Variants in KPNA6 observed in about 807,000 individuals in gnomAD.
The protein encoded by KPNA6 is karyopherin subunit alpha 6, also known as importin subunit alpha-7.
KPNA6 carries 9 observed loss-of-function variants against 72.0 expected under a neutral mutation model. The observed-to-expected ratio is 0.13, with a 90% CI of 0.08 to 0.22. KPNA6 has a LOEUF of 0.22. Among genes scored for constraint, KPNA6 ranks in the 10% least tolerant of loss-of-function variants. The pLI, the probability that KPNA6 is intolerant of heterozygous loss-of-function variation, is 1.00. For synonymous variants in KPNA6, 219 were observed against 242.1 expected, an observed-to-expected ratio of 0.90 and a Z score of 0.89; for missense variants, 374 against 655.7, an observed-to-expected ratio of 0.57 and a Z score of 4.69.
intron 1 of KPNA6, among the ~76,000 whole-genome samples, chr1:32,141,192 G>T (rs185213246): frequency 4.6e-5 from 7 of 152,002 alleles, no homozygotes; most frequent in African/African-American, 1.7e-4. Context: ...ATCTGGTATG[G>T]TGGTGGAGGG....
chr1:32,162,507 A>C lies in KPNA6; in HGVS notation c.894A>C (p.Arg298Ser), dbSNP rs1353593234. The C allele has an allele frequency of 6.2e-7, 1 of 1,613,814 alleles. No homozygotes were observed. Among genetic ancestry groups the C allele is most frequent in the African/African-American group, 1.3e-5 (1 of 74,984 alleles). ...TCATAGACTCCGGAGTCTGCCGGAG[A>C]TTGGTAGAGCTGCTGATGTGAGTGG... ...QAVIDSGVCR[R>S]LVELLMHNDY... is the part of the protein sequence containing the mutation. Residue 298 changes from arginine to serine, a missense_variant, in exon 9 of 14, where the codon AGA becomes AGC. Transcript: ENST00000373625.
At chr1:32,170,457 G>A (rs981704436) in intron 13 of KPNA6, among the ~76,000 whole-genome samples, 1 of 152,144 alleles carries the variant, frequency 6.6e-6, no homozygotes, top group African/African-American at 2.4e-5. Flanking sequence ...ATGTGCCCAG[G>A]TCATGCTTCT....
At chr1:32,155,019 G>A (rs1642110920) in intron 2 of KPNA6, among the ~76,000 whole-genome samples, 1 of 151,130 alleles carries the variant, frequency 6.6e-6, no homozygotes. Context: ...GCTGAAGCAG[G>A]AGAATTGCTT....
chr1:32,128,717 G>A (rs1275388208), intron 1 of KPNA6, among the ~76,000 whole-genome samples: 1 of 151,956 alleles, frequency 6.6e-6, no homozygotes, highest in East Asian at 1.9e-4. Context: ...TGACAGGCTT[G>A]CACATAACAC....
chr1:32,125,091 C>T (rs1557460722), intron 1 of KPNA6, among the ~76,000 whole-genome samples: 1 of 152,148 alleles, frequency 6.6e-6, no homozygotes, highest in South Asian at 2.1e-4. Context: ...GCAATCCACC[C>T]GCCTCGGCCT....
chr1:32,108,936 T>G (rs1641196043), intron 1 of KPNA6, among the ~76,000 whole-genome samples: 1 of 152,196 alleles, frequency 6.6e-6, no homozygotes, highest in African/African-American at 2.4e-5. Context: ...CCAACAGTGG[T>G]AATTCCTCTA....
At chr1:32,148,837 A>G (rs1194937401) in intron 1 of KPNA6, among the ~76,000 whole-genome samples, 2 of 152,014 alleles carry the variant, frequency 1.3e-5, no homozygotes, top group East Asian at 3.9e-4. Flanking sequence ...GATTATAGGC[A>G]TGAGCCACTG....
intron 1 of KPNA6, among the ~76,000 whole-genome samples, chr1:32,128,817 A>T (rs1450994451): frequency 6.6e-6 from 1 of 152,090 alleles, no homozygotes; most frequent in African/African-American, 2.4e-5. Context: ...AAATTCAGGA[A>T]TTTTGAAAAG....
chr1:32,143,432 A>G (rs1269622749), intron 1 of KPNA6, among the ~76,000 whole-genome samples: 1 of 152,054 alleles, frequency 6.6e-6, no homozygotes, highest in Non-Finnish European at 1.5e-5. Context: ...TAAAAATACA[A>G]AAATTAGCCG....
chr1:32,161,956 C>A lies in KPNA6; in HGVS notation c.657C>A (p.Thr219=). The A allele has an allele frequency of 6.2e-7, 1 of 1,613,896 alleles. No individual in the cohort carries two copies. The highest frequency in any genetic ancestry group is 8.5e-7 in the Non-Finnish European group (1 of 1,179,866). Residue 219 remains threonine, a synonymous_variant, in exon 8 of 14, where the codon ACC becomes ACA. Transcript: ENST00000373625. ...SILNPLLTLL[T]KSTRLTMTRN... ...TTGCTGTTTCCTTCAGACTCCTTAC[C>A]AAGTCCACACGACTGACGATGACAC...
chr1:32,147,289 T>C (rs1172996322), intron 1 of KPNA6, among the ~76,000 whole-genome samples: 2 of 152,162 alleles, frequency 1.3e-5, no homozygotes, highest in Admixed American at 6.6e-5. Context: ...ACTTTGCTTT[T>C]TGTTTTGTTT....
chr1:32,137,093 G>A (rs551407977), intron 1 of KPNA6, among the ~76,000 whole-genome samples: 2 of 152,240 alleles, frequency 1.3e-5, no homozygotes, highest in East Asian at 3.9e-4. Context: ...TTTGGATGAC[G>A]GGTAGCTGAC....
chr1:32,109,369 G>A (rs192222038), intron 1 of KPNA6, among the ~76,000 whole-genome samples: 1 of 151,956 alleles, frequency 6.6e-6, no homozygotes, highest in African/African-American at 2.4e-5. Context: ...ACAGGGTTTC[G>A]TCATGTTGGC....
In KPNA6 at chr1:32,171,117, G is replaced by T. The variant is rs1642429560; in HGVS notation, c.*223G>T. The T allele has an allele frequency of 3.6e-6, 2 of 549,452 alleles. No homozygotes were observed. The highest frequency in any genetic ancestry group is 5.8e-5 in the East Asian group (2 of 34,588). The allele number at this position is 549,452 out of a possible 1,614,324, so 34.0% of individuals were successfully genotyped here. ...CCTTTGGGTTTTGTGACAAGAAGGG[G>T]ACGTGTTGGGTTTTTCTTCCTTACA... On this transcript the variant is annotated 3_prime_UTR_variant, in exon 14 of 14. Transcript: ENST00000373625.
Position 32,141,882 on chromosome 1 carries a change from G to A in KPNA6, c.5-12706G>A, listed in dbSNP as rs1428943846. Reference sequence around the variant, plus strand: ...GTAATTAGGGCCTATATTAGTTTGCGAGGGCCACCATAACAAAGAACCACA... The same window carrying A: ...GTAATTAGGGCCTATATTAGTTTGCAAGGGCCACCATAACAAAGAACCACA... On this transcript the variant is annotated intron_variant, in intron 1 of 13. Coordinates refer to ENST00000373625, the MANE Select transcript of KPNA6 (RefSeq NM_012316.5). Among the ~76,000 whole-genome samples, 11 of 152,156 alleles carry A rather than the reference G, an allele frequency of 7.2e-5. No individual in the cohort carries two copies. In the South Asian group the frequency reaches 1.2e-3, roughly 17 times the overall value.
chr1:32,138,213 GT>G, intron 1 of KPNA6, among the ~76,000 whole-genome samples: 1 of 152,078 alleles, frequency 6.6e-6, no homozygotes, highest in East Asian at 1.9e-4. Context: ...TAGGCAAGAT[GT>G]TTTGACAATA....
intron 1 of KPNA6, among the ~76,000 whole-genome samples, chr1:32,112,225 CACAA>C (rs1358613657): frequency 2.0e-5 from 3 of 152,178 alleles, no homozygotes; most frequent in South Asian, 2.1e-4. Context: ...ATGTGTGAAC[CACAA>C]ACAAAGACAG....
chr1:32,131,948 A>AT (rs1439474566), intron 1 of KPNA6, among the ~76,000 whole-genome samples: 2 of 150,920 alleles, frequency 1.3e-5, no homozygotes, highest in African/African-American at 2.4e-5. Flanking sequence ...TTTACTTTTT[A>AT]TTTTTTATAT....
intron 1 of KPNA6, among the ~76,000 whole-genome samples, chr1:32,148,401 C>G (rs566644610): frequency 3.9e-5 from 6 of 151,950 alleles, no homozygotes; most frequent in Non-Finnish European, 7.4e-5. Context: ...GCCTCAGTAT[C>G]CCAAATGTGT....
Sources: gnomAD v4.1 joint callset for allele counts (sites outside exome capture counted in the v4.1 genomes callset) on GRCh38, gnomAD v4.1.1 for gene constraint, MANE v1.5 for transcripts, NCBI Gene and HGNC (gene_info 2026-07-23, HGNC 2026-07-21) for gene names.